FAM229A: variants seen among roughly 807,000 people sequenced by gnomAD.
FAM229A encodes the protein family with sequence similarity 229 member A.
In FAM229A, 9 loss-of-function variants were observed where a neutral mutation model predicts 10.0. The observed-to-expected ratio is 0.90, with a 90% confidence interval of 0.54 to 1.56. FAM229A has a LOEUF of 1.56. Ranked by LOEUF, FAM229A falls within the 40% of genes most tolerant of loss-of-function variation. The pLI is 0.00. For synonymous variants in FAM229A, 93 were observed against 90.1 expected, an observed-to-expected ratio of 1.03 and a Z score of -0.19; for missense variants, 196 against 197.6, an observed-to-expected ratio of 0.99 and a Z score of 0.05.
At position 32,361,987 on chromosome 1, in the gene FAM229A, A is replaced by G. The variant is rs912183432; in HGVS notation, c.105T>C (p.Ser35=). ...SPAARAPAAA[S]SLGPVSTAGR... ...CGGCGGTTGAGACCGGTCCCAGGCT[A>G]GAAGCAGCTGCCGGAGCCCTGGCCG... The change falls in exon 1 of 3, where the codon TCT becomes TCC. Residue 35 remains serine (S), a synonymous_variant. Transcript: ENST00000432622. 1.5e-5 allele frequency: 22 copies of G among 1,484,754 alleles called. No homozygotes were observed. The African/African-American group carries it at 2.8e-4, about 19-fold the overall frequency. 92.0% of individuals were successfully genotyped at this position (1,484,754 alleles called of 1,614,324 possible).
In FAM229A at chr1:32,362,292, C is replaced by A; in HGVS notation, c.-201G>T. On this transcript the variant is annotated 5_prime_UTR_variant, in exon 1 of 3. Transcript: ENST00000432622. Reference sequence around the variant, plus strand: ...CGCAGCAGGCCAGGGCAACCCGCCGCGAGGCGGCGTCCACGCCGAGGAGCC... The same window carrying A: ...CGCAGCAGGCCAGGGCAACCCGCCGAGAGGCGGCGTCCACGCCGAGGAGCC... 1 of 684,100 alleles carries A rather than the reference C, an allele frequency of 1.5e-6. No individual in the cohort carries two copies. The highest frequency in any genetic ancestry group is 4.0e-5 in the Admixed American group (1 of 24,748). The allele number at this position is 684,100 out of a possible 1,614,324, so 42.4% of individuals were successfully genotyped here. A position where few individuals can be genotyped will look rare whatever the true frequency, so the allele number is the denominator to read the frequency against.
chr1:32,361,574 G>A lies in FAM229A; in HGVS notation c.282-39C>T, dbSNP rs1641702709. The stretch of plus-strand genomic sequence containing the variant: ...CGCGCGACAGGGGCCGCTGAGGCAG[G>A]GGCTTGGCCCATCCTGTGGGGCGCA... On this transcript the variant is annotated intron_variant, in intron 2 of 2. Transcript: ENST00000432622. 4.6e-6 allele frequency: 6 copies of A among 1,295,538 alleles called. No individual in the cohort carries two copies. The South Asian group carries it at 1.3e-4, about 28-fold the overall frequency. The allele number at this position is 1,295,538 out of a possible 1,614,324, so 80.3% of individuals were successfully genotyped here.
rs1641699618 is a variant in FAM229A, at chr1:32,361,394, C to T, written c.*39G>A. 2 of 1,202,986 alleles carry T rather than the reference C, an allele frequency of 1.7e-6. No homozygotes were observed. Among genetic ancestry groups the T allele is most frequent in the East Asian group, 3.2e-5 (1 of 31,380 alleles). The allele number at this position is 1,202,986 out of a possible 1,614,324, so 74.5% of individuals were successfully genotyped here. A position where few individuals can be genotyped will look rare whatever the true frequency, so the allele number is the denominator to read the frequency against. On this transcript the variant is annotated 3_prime_UTR_variant, in exon 3 of 3. Transcript: ENST00000432622. ...GTGGTGGCCCGCTGGGGGCCTCGTT[C>T]CCGCCCAGCTCCCGCGGAGCCGCAG...
In FAM229A at chr1:32,361,798, A is replaced by T; in HGVS notation, c.213T>A (p.Arg71=). ...RRFPIEAGDS[R]GLAAAPESQD... Reference sequence around the variant, plus strand: ...GGGACTCGGGGGCGGCGGCAAGGCCACGGGAGTCTCCGGCCTCAATGGGGA... The same window carrying T: ...GGGACTCGGGGGCGGCGGCAAGGCCTCGGGAGTCTCCGGCCTCAATGGGGA... The change falls in exon 2 of 3, where the codon CGT becomes CGA. Residue 71 remains arginine, a synonymous_variant. Coordinates refer to ENST00000432622, the MANE Select transcript of FAM229A (RefSeq NM_001167676.2). 4.5e-6 allele frequency: 6 copies of T among 1,328,608 alleles called. No individual in the cohort carries two copies. The highest frequency in any genetic ancestry group is 5.8e-6 in the Non-Finnish European group (6 of 1,042,336). The allele number at this position is 1,328,608 out of a possible 1,614,324, so 82.3% of individuals were successfully genotyped here. A position where few individuals can be genotyped will look rare whatever the true frequency, so the allele number is the denominator to read the frequency against.
At position 32,362,097 on chromosome 1, in the gene FAM229A, C is replaced by T; in HGVS notation, c.-6G>A. The T allele has an allele frequency of 7.2e-7, 1 of 1,382,086 alleles. No individual in the cohort carries two copies. The highest frequency in any genetic ancestry group is 9.3e-7 in the Non-Finnish European group (1 of 1,070,450). The allele number at this position is 1,382,086 out of a possible 1,614,324, so 85.6% of individuals were successfully genotyped here. A position where few individuals can be genotyped will look rare whatever the true frequency, so the allele number is the denominator to read the frequency against. On this transcript the variant is annotated 5_prime_UTR_variant, in exon 1 of 3. Transcript: ENST00000432622. The stretch of plus-strand genomic sequence containing the variant: ...GGCGTCGAGGAGGGCAGCATTGTGA[C>T]CCGGGCCGCGGCGCGCTGACCTCAC...
intron 2 of FAM229A, 30 bp downstream of exon 2, chr1:32,361,700 G>A: frequency 7.7e-7 from 1 of 1,291,312 alleles, no homozygotes; most frequent in South Asian, 2.3e-5. Flanking sequence ...CGCGGGACGG[G>A]CGGAGGCGGG....
At chr1:32,361,698 G>T (rs1015440975) in intron 2 of FAM229A, 32 bp downstream of exon 2, 1 of 1,290,732 alleles carries the variant, frequency 7.7e-7, no homozygotes, top group African/African-American at 1.5e-5. Context: ...GCCGCGGGAC[G>T]GGCGGAGGCG....
rs1037811304 is a variant in FAM229A at position 32,362,245 on chromosome 1, G to A, written c.-154C>T. On this transcript the variant is annotated 5_prime_UTR_variant, in exon 1 of 3. Transcript: ENST00000432622. ...TGGCGCCTGGAGACGGGGTCGCGCA[G>A]ACCCCGGACACCCGAGGGGGGCGCA... The A allele has an allele frequency of 9.1e-7, 1 of 1,097,150 alleles. No homozygotes were observed. Among genetic ancestry groups the A allele is most frequent in the Non-Finnish European group, 1.2e-6 (1 of 851,908 alleles). The allele number at this position is 1,097,150 out of a possible 1,614,324, so 68.0% of individuals were successfully genotyped here.
In FAM229A at chr1:32,362,313, G is replaced by A. The variant is rs1641717947; in HGVS notation, c.-222C>T. On this transcript the variant is annotated 5_prime_UTR_variant, in exon 1 of 3. Coordinates refer to ENST00000432622, the MANE Select transcript of FAM229A (RefSeq NM_001167676.2). ...GCCGCGAGGCGGCGTCCACGCCGAG[G>A]AGCCGCGCATTCCCGGTCCACACAG... 3.6e-6 allele frequency: 2 copies of A among 550,306 alleles called. No homozygotes were observed. The highest frequency in any genetic ancestry group is 5.7e-6 in the Non-Finnish European group (2 of 352,968). The allele number at this position is 550,306 out of a possible 1,614,324, so 34.1% of individuals were successfully genotyped here.
rs1252795832 is a variant in FAM229A, at chr1:32,361,443, C to T, written c.374G>A (p.Arg125His). The change falls in exon 3 of 3, where the codon CGC becomes CAC. Residue 125 changes from arginine to histidine, a missense_variant. Coordinates refer to ENST00000432622, the MANE Select transcript of FAM229A (RefSeq NM_001167676.2). ...AGGGAGCAGGCGCACTCACGTGGCG[C>T]GGGCCCGGGGGCTCCCGCCCATGGC... ...YLAMGGSPRA[R>H]AT The T allele has an allele frequency of 1.3e-5, 18 of 1,352,504 alleles. No individual in the cohort carries two copies. Among genetic ancestry groups the T allele is most frequent in the Non-Finnish European group, 1.7e-5 (18 of 1,051,854 alleles). 83.8% of individuals were successfully genotyped at this position (1,352,504 alleles called of 1,614,324 possible).
At position 32,362,109 on chromosome 1, in the gene FAM229A, C is replaced by T. The variant is rs1306413300; in HGVS notation, c.-18G>A. On this transcript the variant is annotated 5_prime_UTR_variant, in exon 1 of 3. Coordinates refer to ENST00000432622, the MANE Select transcript of FAM229A (RefSeq NM_001167676.2). ...GGCAGCATTGTGACCCGGGCCGCGG[C>T]GCGCTGACCTCACAGAGCACGTTCC... The T allele has an allele frequency of 7.3e-7, 1 of 1,361,022 alleles. No individual in the cohort carries two copies. Among genetic ancestry groups the T allele is most frequent in the Non-Finnish European group, 9.4e-7 (1 of 1,058,912 alleles). 84.3% of individuals were successfully genotyped at this position (1,361,022 alleles called of 1,614,324 possible).
Position 32,362,347 on chromosome 1 carries a change from G to C in FAM229A, c.-256C>G, listed in dbSNP as rs1009977926. ...ATTCCCGGTCCACACAGACGCGGCGGAGCGCCCTCCCAGGCGGGACTACAA... is the reference window on the plus strand; with the variant it reads ...ATTCCCGGTCCACACAGACGCGGCGCAGCGCCCTCCCAGGCGGGACTACAA... On this transcript the variant is annotated 5_prime_UTR_variant, in exon 1 of 3. Transcript: ENST00000432622. The C allele has an allele frequency of 1.9e-5, 9 of 485,736 alleles. No individual in the cohort carries two copies. Among genetic ancestry groups the C allele is most frequent in the Non-Finnish European group, 3.1e-5 (9 of 289,968 alleles). 30.1% of individuals were successfully genotyped at this position (485,736 alleles called of 1,614,324 possible).
chr1:32,361,449 C>CG lies in FAM229A; in HGVS notation c.367dup (p.Arg123ProfsTer39). ...CAGGCGCACTCACGTGGCGCGGGCC[C>CG]GGGGGCTCCCGCCCATGGCGAGGTA... On this transcript the variant is annotated frameshift_variant, in exon 3 of 3. Coordinates refer to ENST00000432622, the MANE Select transcript of FAM229A (RefSeq NM_001167676.2). LOFTEE classifies it high-confidence loss of function. 1 of 1,358,148 alleles carries CG rather than the reference C, an allele frequency of 7.4e-7. No homozygotes were observed. Among genetic ancestry groups the CG allele is most frequent in the South Asian group, 1.7e-5 (1 of 59,832 alleles). 84.1% of individuals were successfully genotyped at this position (1,358,148 alleles called of 1,614,324 possible). A position where few individuals can be genotyped will look rare whatever the true frequency, so the allele number is the denominator to read the frequency against.
Position 32,361,841 on chromosome 1 carries a change from GGCTCCTGGGCGCTCATGTCCAA to G in FAM229A, c.148_169del (p.Leu50ProfsTer30), listed in dbSNP as rs1641707723. 7.5e-7 allele frequency: 1 copy of G among 1,336,538 alleles called. No homozygotes were observed. Among genetic ancestry groups the G allele is most frequent in the Non-Finnish European group, 9.5e-7 (1 of 1,047,342 alleles). 82.8% of individuals were successfully genotyped at this position (1,336,538 alleles called of 1,614,324 possible). A position where few individuals can be genotyped will look rare whatever the true frequency, so the allele number is the denominator to read the frequency against. On this transcript the variant is annotated frameshift_variant, in exon 2 of 3. Coordinates refer to ENST00000432622, the MANE Select transcript of FAM229A (RefSeq NM_001167676.2). LOFTEE classifies it high-confidence loss of function. ...AATGGGGAATCTCCGACCCTGCGGG[GGCTCCTGGGCGCTCATGTCCAA>G]GCCCCGGGGCGCTCTGCGCGGGGAG... is the stretch of plus-strand genomic sequence containing the variant.
chr1:32,361,459 CG>C lies in FAM229A; in HGVS notation c.357del (p.Ser121AlafsTer46). The C allele has an allele frequency of 7.3e-7, 1 of 1,369,064 alleles. No homozygotes were observed. Among genetic ancestry groups the C allele is most frequent in the African/African-American group, 1.5e-5 (1 of 65,604 alleles). The allele number at this position is 1,369,064 out of a possible 1,614,324, so 84.8% of individuals were successfully genotyped here. A position where few individuals can be genotyped will look rare whatever the true frequency, so the allele number is the denominator to read the frequency against. ...CACGTGGCGCGGGCCCGGGGGCTCC[CG>C]CCCATGGCGAGGTAGACGTCGATGG... The part of the protein sequence containing the change: ...HVPIDVYLAM[G>X]GSPRARAT On this transcript the variant is annotated frameshift_variant, in exon 3 of 3. Transcript: ENST00000432622. LOFTEE classifies it high-confidence loss of function.
chr1:32,362,193 G>A lies in FAM229A; in HGVS notation c.-102C>T. ...CGCCCCTGGCACTCAGCGCGGGCCA[G>A]AATCGGGGACTGGAGGCCTCTGGCC... is the stretch of plus-strand genomic sequence containing the variant. On this transcript the variant is annotated 5_prime_UTR_variant, in exon 1 of 3. Transcript: ENST00000432622. 7.8e-7 allele frequency: 1 copy of A among 1,286,758 alleles called. No individual in the cohort carries two copies. The highest frequency in any genetic ancestry group is 1.5e-5 in the African/African-American group (1 of 64,564). 79.7% of individuals were successfully genotyped at this position (1,286,758 alleles called of 1,614,324 possible). A position where few individuals can be genotyped will look rare whatever the true frequency, so the allele number is the denominator to read the frequency against.
Position 32,362,382 on chromosome 1 carries a change from T to C in FAM229A, c.-291A>G. On this transcript the variant is annotated 5_prime_UTR_variant, in exon 1 of 3. Coordinates refer to ENST00000432622, the MANE Select transcript of FAM229A (RefSeq NM_001167676.2). Reference sequence around the variant, plus strand: ...CCAGGCGGGACTACAACTCAATGCCTGGCACGGGGGCGGGCTCGGCGGTGA... The same window carrying C: ...CCAGGCGGGACTACAACTCAATGCCCGGCACGGGGGCGGGCTCGGCGGTGA... 2.1e-6 allele frequency: 1 copy of C among 472,010 alleles called. No individual in the cohort carries two copies. The highest frequency in any genetic ancestry group is 3.7e-6 in the Non-Finnish European group (1 of 272,156). 29.2% of individuals were successfully genotyped at this position (472,010 alleles called of 1,614,324 possible).
At position 32,361,801 on chromosome 1, in the gene FAM229A, G is replaced by C. The variant is rs889380771; in HGVS notation, c.210C>G (p.Ser70=). The change falls in exon 2 of 3, where the codon TCC becomes TCG. Residue 70 remains serine, a synonymous_variant. Transcript: ENST00000432622. The part of the protein sequence containing the change: ...GRRFPIEAGD[S]RGLAAAPESQ... ...ACTCGGGGGCGGCGGCAAGGCCACG[G>C]GAGTCTCCGGCCTCAATGGGGAATC... is the stretch of plus-strand genomic sequence containing the variant. 2.3e-6 allele frequency: 3 copies of C among 1,329,288 alleles called. No individual in the cohort carries two copies. The highest frequency in any genetic ancestry group is 2.9e-6 in the Non-Finnish European group (3 of 1,042,814). 82.3% of individuals were successfully genotyped at this position (1,329,288 alleles called of 1,614,324 possible). A position where few individuals can be genotyped will look rare whatever the true frequency, so the allele number is the denominator to read the frequency against.
At chr1:32,361,592 G>A in intron 2 of FAM229A, 57 bp from the exon 3 acceptor site, 1 of 1,274,960 alleles carries the variant, frequency 7.8e-7, no homozygotes, top group Non-Finnish European at 1.0e-6. Context: ...CCCATCCTGT[G>A]GGGCGCACCC....
Sources: gnomAD v4.1 joint callset for allele counts on GRCh38, gnomAD v4.1.1 for gene constraint, MANE v1.5 for transcripts, NCBI Gene and HGNC (gene_info 2026-07-23, HGNC 2026-07-21) for gene names.